Variants in GTF2IRD1 observed in about 807,000 individuals in gnomAD.
GTF2IRD1 encodes the protein GTF2I repeat domain containing 1.
In GTF2IRD1, 26 loss-of-function variants were observed where a neutral mutation model predicts 113.2. The ratio of observed to expected loss-of-function variants is 0.23; its 90% CI spans 0.17 to 0.32. The LOEUF is 0.32. Ranked by LOEUF, GTF2IRD1 falls within the 10% of genes least tolerant of loss-of-function variation. The pLI, the probability that GTF2IRD1 is intolerant of heterozygous loss-of-function variation, is 1.00. For missense variants in GTF2IRD1, 864 were observed against 1,280.8 expected, an observed-to-expected ratio of 0.67 and a Z score of 4.97; for synonymous variants, 484 against 529.1, an observed-to-expected ratio of 0.91 and a Z score of 1.17.
At chr7:74,559,127 A>G (rs1799793184) in intron 21 of GTF2IRD1, 83 bp downstream of exon 21, 2 of 1,290,150 alleles carry the variant, frequency 1.6e-6, no homozygotes, top group African/African-American at 2.9e-5. Context: ...GCCTTTCCCT[A>G]GGTCCTGCCC....
intron 5 of GTF2IRD1, among the ~76,000 whole-genome samples, chr7:74,518,924 G>A (rs587775601): frequency 5.9e-5 from 9 of 152,220 alleles, no homozygotes; most frequent in Non-Finnish European, 1.0e-4. Flanking sequence ...TGTCAGAAAC[G>A]GGAGAACCAT....
At chr7:74,480,786 G>A (rs1367345639) in intron 1 of GTF2IRD1, among the ~76,000 whole-genome samples, 1 of 152,224 alleles carries the variant, frequency 6.6e-6, no homozygotes, top group Admixed American at 6.5e-5. Context: ...GGACGGGAGA[G>A]AAATGGAGAA....
chr7:74,491,079 G>A (rs1795309269), intron 1 of GTF2IRD1, among the ~76,000 whole-genome samples: 1 of 152,092 alleles, frequency 6.6e-6, no homozygotes, highest in Non-Finnish European at 1.5e-5. Flanking sequence ...AGGCTAAAGT[G>A]GGCAGATCAT....
In GTF2IRD1 at chr7:74,559,635, A is replaced by G. The variant is rs1799827851; in HGVS notation, c.2300A>G (p.Gln767Arg). 1.9e-6 allele frequency: 3 copies of G among 1,596,384 alleles called. No homozygotes were observed. Among genetic ancestry groups the G allele is most frequent in the Non-Finnish European group, 2.6e-6 (3 of 1,172,126 alleles). ...CTCTGTTTCTCTTCTAGGCCTTTCCAAGGACTCATCCCAAAGCCTGGTAAG... is the reference window on the plus strand; with the variant it reads ...CTCTGTTTCTCTTCTAGGCCTTTCCGAGGACTCATCCCAAAGCCTGGTAAG... Reference protein sequence around the residue: ...KIKFTVTRPFQGLIPKPDEDD... With the variant: ...KIKFTVTRPFRGLIPKPDEDD... The change falls in exon 22 of 27, where the codon CAA becomes CGA. Residue 767 changes from glutamine to arginine, a missense_variant. Coordinates refer to ENST00000424337, the MANE Select transcript of GTF2IRD1 (RefSeq NM_005685.4).
chr7:74,491,028 C>G (rs1279429534), intron 1 of GTF2IRD1, among the ~76,000 whole-genome samples: 1 of 152,092 alleles, frequency 6.6e-6, no homozygotes, highest in African/African-American at 2.4e-5. Flanking sequence ...AAATTTCAGG[C>G]CGAGTGCGGT....
chr7:74,477,639 C>A (rs1554333801), intron 1 of GTF2IRD1, among the ~76,000 whole-genome samples: 1 of 152,108 alleles, frequency 6.6e-6, no homozygotes, highest in Non-Finnish European at 1.5e-5. Flanking sequence ...TGAGGTTTTA[C>A]ATAGCAGGTG....
intron 22 of GTF2IRD1, among the ~76,000 whole-genome samples, chr7:74,584,967 A>G (rs1452794274): frequency 2.6e-5 from 4 of 151,864 alleles, no homozygotes; most frequent in South Asian, 2.1e-4. Context: ...ACGCCTGGCT[A>G]AATTTTGTAC....
At chr7:74,494,325 G>A (rs1227093159) in intron 1 of GTF2IRD1, among the ~76,000 whole-genome samples, 2 of 152,200 alleles carry the variant, frequency 1.3e-5, no homozygotes, top group African/African-American at 2.4e-5. Context: ...TTGCTGGCCC[G>A]GGGCCTGAGC....
intron 2 of GTF2IRD1, among the ~76,000 whole-genome samples, chr7:74,511,628 C>T (rs1796633188): frequency 6.6e-6 from 1 of 152,230 alleles, no homozygotes; most frequent in African/African-American, 2.4e-5. Flanking sequence ...ACCTTCCTAA[C>T]CAGAGCGACT....
intron 22 of GTF2IRD1, among the ~76,000 whole-genome samples, chr7:74,579,219 A>T (rs587761417): frequency 6.6e-6 from 1 of 152,088 alleles, no homozygotes. Flanking sequence ...TACTCAGGAG[A>T]CTGCGGCAGG....
At chr7:74,587,870 A>G (rs1169484432) in intron 22 of GTF2IRD1, among the ~76,000 whole-genome samples, 1 of 152,094 alleles carries the variant, frequency 6.6e-6, no homozygotes, top group Admixed American at 6.6e-5. Flanking sequence ...ATAGGCCGTG[A>G]CGGTTACCTG....
At chr7:74,533,478 C>G (rs1204429784) in intron 9 of GTF2IRD1, among the ~76,000 whole-genome samples, 1 of 152,154 alleles carries the variant, frequency 6.6e-6, no homozygotes, top group African/African-American at 2.4e-5. Context: ...CCTAAATGGG[C>G]CCCTGGGTGC....
chr7:74,563,778 C>T (rs184780341), intron 22 of GTF2IRD1, among the ~76,000 whole-genome samples: 113 of 151,946 alleles, frequency 7.4e-4, no homozygotes, highest in African/African-American at 2.7e-3. Flanking sequence ...CTCAGCTACT[C>T]AGGAGGCCGA....
intron 25 of GTF2IRD1, among the ~76,000 whole-genome samples, chr7:74,596,459 C>CAAAAA (rs1184751959): frequency 1.7e-5 from 1 of 60,504 alleles, no homozygotes; most frequent in Admixed American, 2.0e-4. Flanking sequence ...GACTCTGTCT[C>CAAAAA]AAAAAAAAAA....
At chr7:74,476,750 G>T (rs1794437855) in intron 1 of GTF2IRD1, among the ~76,000 whole-genome samples, 1 of 152,120 alleles carries the variant, frequency 6.6e-6, no homozygotes, top group African/African-American at 2.4e-5. Context: ...GCCGATGCCA[G>T]CCATCCATCC....
At chr7:74,464,320 A>T (rs1318552490) in intron 1 of GTF2IRD1, among the ~76,000 whole-genome samples, 1 of 152,156 alleles carries the variant, frequency 6.6e-6, no homozygotes, top group Non-Finnish European at 1.5e-5. Context: ...TCAGTTTCCC[A>T]TTGGCAAATC....
chr7:74,484,263 C>A (rs1468549436), intron 1 of GTF2IRD1, among the ~76,000 whole-genome samples: 3 of 152,068 alleles, frequency 2.0e-5, no homozygotes, highest in Non-Finnish European at 4.4e-5. Context: ...TATGCATCAC[C>A]GGGCCTAACA....
At chr7:74,527,757 G>C (rs1397890949) in intron 8 of GTF2IRD1, among the ~76,000 whole-genome samples, 2 of 152,038 alleles carry the variant, frequency 1.3e-5, no homozygotes. Flanking sequence ...CAGGAGAATT[G>C]CTTGAACCCA....
chr7:74,576,919 C>A (rs1801110446), intron 22 of GTF2IRD1, among the ~76,000 whole-genome samples: 1 of 152,012 alleles, frequency 6.6e-6, no homozygotes, highest in Non-Finnish European at 1.5e-5. Context: ...CTGAGCACGG[C>A]CCCCTGTTTT....
Sources: gnomAD v4.1 joint callset for allele counts (sites outside exome capture counted in the v4.1 genomes callset) on GRCh38, gnomAD v4.1.1 for gene constraint, MANE v1.5 for transcripts, NCBI Gene and HGNC (gene_info 2026-07-23, HGNC 2026-07-21) for gene names.